Variants in PLEK observed in about 807,000 individuals in gnomAD.
The protein encoded by PLEK is pleckstrin, also known as platelet 47 kDa protein.
In PLEK, 25 loss-of-function variants were observed where a neutral mutation model predicts 43.9. The observed-to-expected ratio is 0.57, with a 90% CI of 0.41 to 0.79. The LOEUF is 0.79. Among genes scored for constraint, PLEK ranks in the 30% least tolerant of loss-of-function variants. PLEK has a pLI of 0.00. For missense variants in PLEK, 396 were observed against 413.3 expected, an observed-to-expected ratio of 0.96 and a Z score of 0.36; for synonymous variants, 152 against 144.4, an observed-to-expected ratio of 1.05 and a Z score of -0.38.
At chr2:68,372,769 G>T (rs1228621250) in intron 1 of PLEK, among the ~76,000 whole-genome samples, 1 of 151,940 alleles carries the variant, frequency 6.6e-6, no homozygotes, top group African/African-American at 2.4e-5. Flanking sequence ...TATCTCCATT[G>T]AAGTGAAATA....
intron 7 of PLEK, among the ~76,000 whole-genome samples, chr2:68,393,664 A>C (rs567764479): frequency 2.6e-5 from 4 of 152,182 alleles, no homozygotes; most frequent in Non-Finnish European, 5.9e-5. Context: ...TCCACCATAA[A>C]ATGAACCACT....
At position 68,386,627 on chromosome 2, in the gene PLEK, G is replaced by T; in HGVS notation, c.598G>T (p.Ala200Ser). Reference protein sequence around the residue: ...LQPAGDMSKSAVDGTAENPFL... With the variant: ...LQPAGDMSKSSVDGTAENPFL... ...GCCTGCTGGAGACATGTCCAAGAGT[G>T]CAGTGGATGGAACTGCTGAAAACCC... is the stretch of plus-strand genomic sequence containing the variant. Residue 200 changes from alanine (A) to serine (S), a missense_variant, in exon 5 of 9, where the codon GCA becomes TCA. By Grantham distance (99) the Ala-to-Ser change is moderately conservative. Transcript: ENST00000234313. 6.2e-7 allele frequency: 1 copy of T among 1,614,008 alleles called. No homozygotes were observed. Among genetic ancestry groups the T allele is most frequent in the Non-Finnish European group, 8.5e-7 (1 of 1,179,880 alleles).
At chr2:68,394,001 G>T in intron 7 of PLEK, 106 bp from the exon 8 acceptor site, 1 of 738,694 alleles carries the variant, frequency 1.4e-6, no homozygotes, top group Non-Finnish European at 2.5e-6. Flanking sequence ...TTATTTTGGG[G>T]GGCCCTGATC....
chr2:68,382,319 C>T (rs1184643454), intron 3 of PLEK, among the ~76,000 whole-genome samples: 7 of 152,166 alleles, frequency 4.6e-5, no homozygotes, highest in Admixed American at 4.6e-4. Flanking sequence ...AAGTACCTTC[C>T]AGCATTGCTA....
Position 68,395,675 on chromosome 2 carries a change from C to A in PLEK, c.917-5C>A. On this transcript the variant is annotated splice_region_variant and splice_polypyrimidine_tract_variant and intron_variant, in intron 8 of 8. Transcript: ENST00000234313. Reference sequence around the variant, plus strand: ...CGTGCTGCCATTTGCCTTCTCTTTCCCCAGGCAGGAAGAGTGAGGAAGAGA... The same window carrying A: ...CGTGCTGCCATTTGCCTTCTCTTTCACCAGGCAGGAAGAGTGAGGAAGAGA... 1 of 1,613,988 alleles carries A rather than the reference C, an allele frequency of 6.2e-7. No individual in the cohort carries two copies.
intron 1 of PLEK, among the ~76,000 whole-genome samples, chr2:68,371,555 T>C (rs948406128): frequency 2.0e-5 from 3 of 152,224 alleles, no homozygotes; most frequent in African/African-American, 7.2e-5. Flanking sequence ...ATGGATTGTT[T>C]TCATCTCCCA....
chr2:68,395,805 A>G lies in PLEK; in HGVS notation c.1042A>G (p.Thr348Ala). Residue 348 changes from threonine (T) to alanine (A), a missense_variant, in exon 9 of 9, where the codon ACT becomes GCT. By Grantham distance (58) the Thr-to-Ala change is moderately conservative. Coordinates refer to ENST00000234313, the MANE Select transcript of PLEK (RefSeq NM_002664.3). ...WIRAIQMASR[T>A]GK Reference sequence around the variant, plus strand: ...CAGAGCCATCCAGATGGCCTCCCGAACTGGGAAGTAAAGAGACTCCTGCAT... The same window carrying G: ...CAGAGCCATCCAGATGGCCTCCCGAGCTGGGAAGTAAAGAGACTCCTGCAT... The G allele has an allele frequency of 6.2e-7, 1 of 1,613,624 alleles. No homozygotes were observed. The highest frequency in any genetic ancestry group is 8.5e-7 in the Non-Finnish European group (1 of 1,179,562).
intron 3 of PLEK, 98 bp from the exon 4 acceptor site, chr2:68,382,444 A>G: frequency 1.4e-6 from 1 of 698,948 alleles, no homozygotes; most frequent in South Asian, 1.8e-5. Context: ...GCTTGTGCTC[A>G]CCTCCCAGAG....
intron 3 of PLEK, 59 bp from the exon 4 acceptor site, chr2:68,382,483 C>A (rs1019027854): frequency 2.0e-6 from 2 of 978,596 alleles, no homozygotes; most frequent in Non-Finnish European, 1.6e-6. Flanking sequence ...ATGTTCCCCA[C>A]TCATCCAACT....
At chr2:68,373,875 T>C (rs977938105) in intron 1 of PLEK, among the ~76,000 whole-genome samples, 3 of 152,232 alleles carry the variant, frequency 2.0e-5, no homozygotes, top group African/African-American at 7.2e-5. Context: ...TTTTATTAAA[T>C]AGATTTGTCT....
chr2:68,388,467 C>T lies in PLEK; in HGVS notation c.738C>T (p.Ile246=). 1.3e-6 allele frequency: 2 copies of T among 1,598,846 alleles called. No homozygotes were observed. The highest frequency in any genetic ancestry group is 1.7e-6 in the Non-Finnish European group (2 of 1,166,026). ...AAGAAGAATTCAGAGGGGTCATTAT[C>T]AAGCAGGGATGTTTACTGAAGCAGG... The part of the protein sequence containing the change: ...ILKEEFRGVI[I]KQGCLLKQGH... The change falls in exon 6 of 9, where the codon ATC becomes ATT. Residue 246 remains isoleucine (I), a synonymous_variant. Coordinates refer to ENST00000234313, the MANE Select transcript of PLEK (RefSeq NM_002664.3).
At chr2:68,391,687 A>G (rs1673861483) in intron 6 of PLEK, among the ~76,000 whole-genome samples, 1 of 152,226 alleles carries the variant, frequency 6.6e-6, no homozygotes, top group South Asian at 2.1e-4. Context: ...TGCTAAGACC[A>G]CACATGTTTT....
intron 6 of PLEK, 118 bp from the exon 7 acceptor site, chr2:68,393,044 G>A: frequency 2.7e-6 from 2 of 747,236 alleles, no homozygotes; most frequent in South Asian, 3.0e-5. Flanking sequence ...CCTGGAGTTA[G>A]TATTTCATTT....
At chr2:68,371,915 T>A (rs72892078) in intron 1 of PLEK, among the ~76,000 whole-genome samples, 3,530 of 152,336 alleles carry the variant, frequency 0.023, 69 homozygotes, top group Admixed American at 0.069. Flanking sequence ...AGGCTGTATC[T>A]TATTTAATTT....
At chr2:68,375,467 T>C (rs191043157) in intron 1 of PLEK, among the ~76,000 whole-genome samples, 1 of 152,260 alleles carries the variant, frequency 6.6e-6, no homozygotes, top group Non-Finnish European at 1.5e-5. Context: ...CTGGAATTAT[T>C]TCATGTGTTG....
chr2:68,374,679 C>T (rs1458617100), intron 1 of PLEK, among the ~76,000 whole-genome samples: 2 of 152,104 alleles, frequency 1.3e-5, no homozygotes, highest in African/African-American at 4.8e-5. Flanking sequence ...GTCTATACTC[C>T]CATCGTCGGT....
chr2:68,365,325 A>C lies in PLEK; in HGVS notation c.-27A>C, dbSNP rs1573065292. ...TGCTGAGAGGAGTTGCCTGAGAGTG[A>C]CCTTTGCATCTGCCTGTCCAGCCAG... On this transcript the variant is annotated 5_prime_UTR_variant, in exon 1 of 9. Transcript: ENST00000234313. The C allele has an allele frequency of 6.2e-7, 1 of 1,611,264 alleles. No homozygotes were observed. The highest frequency in any genetic ancestry group is 8.5e-7 in the Non-Finnish European group (1 of 1,177,538).
At chr2:68,368,789 G>A (rs955626383) in intron 1 of PLEK, among the ~76,000 whole-genome samples, 2 of 152,200 alleles carry the variant, frequency 1.3e-5, no homozygotes, top group Non-Finnish European at 2.9e-5. Context: ...ATTCCTAGAG[G>A]TTTATGGAGC....
In PLEK at chr2:68,386,666, C is replaced by T; in HGVS notation, c.637C>T (p.Pro213Ser). Residue 213 changes from proline to serine, a missense_variant, in exon 5 of 9, where the codon CCT becomes TCT. Transcript: ENST00000234313. ...TGCTGAAAACCCTTTCCTGGACAAC[C>T]CTGATGCCTTCTACTACTTTGTAAG... ...GTAENPFLDN[P>S]DAFYYFPDSG... 6.2e-7 allele frequency: 1 copy of T among 1,613,210 alleles called. No individual in the cohort carries two copies. Among genetic ancestry groups the T allele is most frequent in the Non-Finnish European group, 8.5e-7 (1 of 1,179,338 alleles).
Sources: allele counts gnomAD v4.1 joint callset (sites outside exome capture counted in the v4.1 genomes callset), GRCh38; gene constraint gnomAD v4.1.1; transcripts MANE v1.5; gene names NCBI Gene and HGNC (gene_info 2026-07-23, HGNC 2026-07-21).